The following DMD variants were observed in gnomAD, a reference collection of about 807,000 sequenced individuals.
The protein encoded by DMD is dystrophin.
Under a neutral mutation model 330.1 loss-of-function variants are expected in DMD, and 63 were observed. That is an observed-to-expected ratio of 0.19 (90% CI 0.16 to 0.24). DMD has a LOEUF of 0.24. DMD is among the 10% of genes least tolerant of loss of function. DMD has a pLI of 1.00. For synonymous variants in DMD, 1,223 were observed against 959.8 expected, an observed-to-expected ratio of 1.27 and a Z score of -5.07; for missense variants, 3,344 against 2,684.1, an observed-to-expected ratio of 1.25 and a Z score of -5.43.
At chrX:31,950,126 T>C (rs962069242) in intron 45 of DMD, among the ~76,000 whole-genome samples, 1 of 111,348 alleles carries the variant, frequency 9.0e-6, no homozygotes, top group Non-Finnish European at 1.9e-5. Context: ...CTAAAATAGG[T>C]ATTTAAAACT....
At chrX:31,249,909 A>G (rs1207277786) in intron 63 of DMD, among the ~76,000 whole-genome samples, 1 of 111,754 alleles carries the variant, frequency 8.9e-6, no homozygotes, top group East Asian at 2.8e-4. Context: ...GTTACCTTAC[A>G]TATGTCATTC....
chrX:32,038,852 A>T (rs1160500374), intron 44 of DMD, among the ~76,000 whole-genome samples: 3 of 111,641 alleles, frequency 2.7e-5, no homozygotes, highest in Non-Finnish European at 3.8e-5. Context: ...TGTAGATATC[A>T]ATAGGTAGTC....
At chrX:31,482,258 G>A (rs2068363800) in intron 57 of DMD, among the ~76,000 whole-genome samples, 1 of 104,162 alleles carries the variant, frequency 9.6e-6, no homozygotes, top group South Asian at 4.7e-4. Flanking sequence ...TCTGTGCATG[G>A]GGGACAGAGT....
chrX:32,206,328 G>A (rs912443226), intron 44 of DMD: 1 of 540,685 alleles, frequency 1.8e-6, no homozygotes, highest in African/African-American at 2.3e-5. Flanking sequence ...TCCTGGAGGT[G>A]GTAGCAAGGT....
chrX:32,986,281 A>T (rs183519166), intron 2 of DMD, among the ~76,000 whole-genome samples: 205 of 112,408 alleles, frequency 1.8e-3, no homozygotes, highest in African/African-American at 5.9e-3. Flanking sequence ...AACCATTGTT[A>T]AAGCTGATCT....
chrX:31,896,143 CTT>C (rs10544140), intron 47 of DMD, among the ~76,000 whole-genome samples: 29,400 of 110,833 alleles, frequency 0.27, 2,907 homozygotes, highest in Admixed American at 0.34. Context: ...CTTGAATGAT[CTT>C]TTAAATTTTA....
chrX:32,627,943 G>C (rs1384694289), intron 11 of DMD, among the ~76,000 whole-genome samples: 1 of 109,861 alleles, frequency 9.1e-6, no homozygotes, highest in Admixed American at 9.8e-5. Flanking sequence ...ATATTTATGG[G>C]ATACAAGAGA....
At chrX:32,834,560 G>C (rs1603444047) in intron 4 of DMD, among the ~76,000 whole-genome samples, 1 of 111,517 alleles carries the variant, frequency 9.0e-6, no homozygotes, top group African/African-American at 3.2e-5. Flanking sequence ...TTCAATGATG[G>C]GGTTAAGTGA....
chrX:32,144,036 T>C (rs2096767028), intron 44 of DMD, among the ~76,000 whole-genome samples: 1 of 111,881 alleles, frequency 8.9e-6, no homozygotes, highest in African/African-American at 3.3e-5. Flanking sequence ...AGGCAAATAA[T>C]TCTTCTAATC....
At chrX:31,258,267 G>A (rs1413643672) in intron 63 of DMD, among the ~76,000 whole-genome samples, 8 of 112,433 alleles carry the variant, frequency 7.1e-5, no homozygotes, top group East Asian at 2.8e-4. Flanking sequence ...GCCTGGCTTC[G>A]CTGTCCTGTG....
At chrX:32,655,667 G>A (rs1470795914) in intron 9 of DMD, among the ~76,000 whole-genome samples, 1 of 111,856 alleles carries the variant, frequency 8.9e-6, no homozygotes, top group African/African-American at 3.3e-5. Flanking sequence ...GCTTGTTGCA[G>A]AGCTGAGTTC....
intron 1 of DMD, among the ~76,000 whole-genome samples, chrX:33,034,227 G>C (rs1416554540): frequency 2.7e-5 from 3 of 111,473 alleles, no homozygotes; most frequent in Non-Finnish European, 5.6e-5. Context: ...TAAAATGATT[G>C]TAAAGTAGAA....
chrX:32,934,254 G>T (rs1434495025), intron 2 of DMD, among the ~76,000 whole-genome samples: 1 of 111,512 alleles, frequency 9.0e-6, no homozygotes, highest in Non-Finnish European at 1.9e-5. Context: ...GTGCTTCCAA[G>T]ATGTATTTAA....
chrX:31,136,117 C>T (rs1811838761), intron 76 of DMD, among the ~76,000 whole-genome samples: 1 of 110,030 alleles, frequency 9.1e-6, no homozygotes, highest in Non-Finnish European at 1.9e-5. Context: ...GGGATAAGAA[C>T]GTAAGGTAGA....
At chrX:31,814,326 C>CA (rs1372146000) in intron 50 of DMD, among the ~76,000 whole-genome samples, 1 of 105,446 alleles carries the variant, frequency 9.5e-6, no homozygotes, top group Non-Finnish European at 1.9e-5. Context: ...CTAAAAAACA[C>CA]AAAAAAATTA....
intron 7 of DMD, among the ~76,000 whole-genome samples, chrX:32,779,589 T>A (rs975602906): frequency 9.3e-5 from 10 of 107,413 alleles, no homozygotes; most frequent in Non-Finnish European, 1.5e-4. Flanking sequence ...GAACATGCGG[T>A]GTTTGGTTTT....
intron 37 of DMD, among the ~76,000 whole-genome samples, chrX:32,351,233 T>C (rs764556086): frequency 1.4e-4 from 15 of 110,905 alleles, no homozygotes; most frequent in East Asian, 1.1e-3. Context: ...ATCCTAATCA[T>C]CCATTGGCTC....
intron 2 of DMD, among the ~76,000 whole-genome samples, chrX:32,878,932 C>T (rs1032394403): frequency 4.7e-5 from 5 of 106,554 alleles, no homozygotes; most frequent in Non-Finnish European, 7.7e-5. Context: ...TGCTTGAACC[C>T]GGGAGGCGGA....
intron 1 of DMD, among the ~76,000 whole-genome samples, chrX:33,065,845 C>T (rs1325173887): frequency 1.8e-5 from 2 of 111,945 alleles, no homozygotes; most frequent in Admixed American, 9.5e-5. Context: ...CTACCTCCTT[C>T]GACCTGGTGT....
Sources: gnomAD v4.1 joint callset for allele counts (sites outside exome capture counted in the v4.1 genomes callset) on GRCh38, gnomAD v4.1.1 for gene constraint, MANE v1.5 for transcripts, NCBI Gene and HGNC (gene_info 2026-07-23, HGNC 2026-07-21) for gene names.